TENM3: variants seen among roughly 807,000 people sequenced by gnomAD.
TENM3 encodes teneurin-3.
A neutral mutation model predicts 255.1 loss-of-function variants in TENM3; 63 were observed. The observed-to-expected ratio is 0.25, with a 90% CI of 0.20 to 0.30. TENM3 has a LOEUF of 0.30. Ranked by LOEUF, TENM3 falls within the 10% of genes least tolerant of loss-of-function variation. TENM3 has a pLI of 1.00. For synonymous variants in TENM3, 1,306 were observed against 1,322.3 expected (o/e 0.99, Z 0.27); for missense variants, 2,929 against 3,461.1 (o/e 0.85, Z 3.86).
the TENM3 span, among the ~76,000 whole-genome samples, chr4:181,632,276 AACTC>A: frequency 6.6e-6 from 1 of 152,002 alleles, no homozygotes; most frequent in Admixed American, 6.6e-5. Flanking sequence ...CGTGAGAACT[AACTC>A]ACTATCACAA....
chr4:181,603,682 A>G, the TENM3 span, among the ~76,000 whole-genome samples: 5 of 152,238 alleles, frequency 3.3e-5, no homozygotes, highest in African/African-American at 1.2e-4. Flanking sequence ...GCAAGGAACT[A>G]TAGAAGCTGC....
the TENM3 span, among the ~76,000 whole-genome samples, chr4:181,998,802 G>T: frequency 6.6e-6 from 1 of 152,108 alleles, no homozygotes; most frequent in East Asian, 1.9e-4. Context: ...GCCCCCTAGA[G>T]GTATCCTGAA....
At chr4:182,352,062 G>A (rs1486315731) in intron 3 of TENM3, among the ~76,000 whole-genome samples, 1 of 152,032 alleles carries the variant, frequency 6.6e-6, no homozygotes, top group African/African-American at 2.4e-5. Flanking sequence ...GGACTAGGTA[G>A]ATATCTATAG....
the TENM3 span, among the ~76,000 whole-genome samples, chr4:181,885,096 G>A: frequency 1.3e-5 from 2 of 151,930 alleles, no homozygotes; most frequent in Non-Finnish European, 2.9e-5. Flanking sequence ...TTTTCACATT[G>A]CTTTTTGTAT....
chr4:181,688,512 G>A, the TENM3 span, among the ~76,000 whole-genome samples: 7 of 151,644 alleles, frequency 4.6e-5, no homozygotes, highest in East Asian at 1.9e-4. Flanking sequence ...TTTTTTATTC[G>A]TTCAGAGTTA....
the TENM3 span, among the ~76,000 whole-genome samples, chr4:181,977,940 A>G: frequency 2.0e-5 from 3 of 152,226 alleles, no homozygotes; most frequent in Non-Finnish European, 4.4e-5. Context: ...CAAAGACGAT[A>G]GCAAAGTCAA....
At chr4:182,098,631 T>C in the TENM3 span, among the ~76,000 whole-genome samples, 2 of 152,028 alleles carry the variant, frequency 1.3e-5, no homozygotes, top group African/African-American at 4.8e-5. Flanking sequence ...GTTGATCTCA[T>C]TGAAGTAGAG....
the TENM3 span, among the ~76,000 whole-genome samples, chr4:181,666,785 G>T: frequency 6.6e-6 from 1 of 152,080 alleles, no homozygotes; most frequent in Non-Finnish European, 1.5e-5. Flanking sequence ...ACTGGATTTA[G>T]TAAGTTTCCT....
the TENM3 span, chr4:182,012,776 A>G: frequency 6.6e-6 from 1 of 152,202 alleles, no homozygotes; most frequent in East Asian, 1.9e-4. Context: ...AAGGATCATG[A>G]AATTTGGAGG....
the TENM3 span, among the ~76,000 whole-genome samples, chr4:182,039,028 C>T: frequency 1.3e-5 from 2 of 152,168 alleles, no homozygotes; most frequent in East Asian, 1.9e-4. Flanking sequence ...CCCCTGCGCC[C>T]GGCCATAAAA....
the TENM3 span, among the ~76,000 whole-genome samples, chr4:181,820,693 G>T: frequency 6.6e-6 from 1 of 152,154 alleles, no homozygotes; most frequent in Non-Finnish European, 1.5e-5. Flanking sequence ...GGGCCTTGGG[G>T]TGTTGTTCTA....
At chr4:182,575,681 G>A (rs1375386126) in intron 3 of TENM3, among the ~76,000 whole-genome samples, 3 of 151,982 alleles carry the variant, frequency 2.0e-5, no homozygotes, top group South Asian at 4.1e-4. Context: ...TAACATTTTT[G>A]TTTATTTTAA....
the TENM3 span, among the ~76,000 whole-genome samples, chr4:181,614,568 T>C: frequency 6.6e-6 from 1 of 152,192 alleles, no homozygotes; most frequent in Non-Finnish European, 1.5e-5. Flanking sequence ...AGGATCTCCA[T>C]ATTCATCTCC....
chr4:182,356,735 A>G (rs1315067270), intron 3 of TENM3, among the ~76,000 whole-genome samples: 1 of 151,642 alleles, frequency 6.6e-6, no homozygotes, highest in Non-Finnish European at 1.5e-5. Flanking sequence ...TTATTATTAT[A>G]CTTTAAGTTT....
At chr4:182,315,996 T>A (rs2726791) in intron 1 of TENM3, among the ~76,000 whole-genome samples, 46,141 of 151,974 alleles carry the variant, frequency 0.3, 7,310 homozygotes, top group Middle Eastern at 0.4. Context: ...ATGCAGTTAT[T>A]ATAACCATTT....
At chr4:182,037,805 G>A in the TENM3 span, among the ~76,000 whole-genome samples, 113 of 152,144 alleles carry the variant, frequency 7.4e-4, no homozygotes, top group African/African-American at 2.6e-3. Flanking sequence ...ATATTCCTAC[G>A]TAACGACACT....
At chr4:182,047,520 C>A in the TENM3 span, among the ~76,000 whole-genome samples, 2 of 139,344 alleles carry the variant, frequency 1.4e-5, no homozygotes, top group South Asian at 4.5e-4. Context: ...CGAGAGTGCA[C>A]CACTGCGCTC....
chr4:181,898,732 A>C, the TENM3 span, among the ~76,000 whole-genome samples: 2 of 152,226 alleles, frequency 1.3e-5, no homozygotes, highest in East Asian at 3.9e-4. Flanking sequence ...TACCTCCTTT[A>C]ATATTTTTCA....
chr4:181,904,966 G>A, the TENM3 span, among the ~76,000 whole-genome samples: 1 of 152,150 alleles, frequency 6.6e-6, no homozygotes, highest in Non-Finnish European at 1.5e-5. Flanking sequence ...CTCTTTGCCT[G>A]CTGCCATCCA....
Sources: allele counts gnomAD v4.1 joint callset (sites outside exome capture counted in the v4.1 genomes callset), GRCh38; gene constraint gnomAD v4.1.1; transcripts MANE v1.5; gene names NCBI Gene and HGNC (gene_info 2026-07-23, HGNC 2026-07-21).